Variants in CUL3 observed in about 807,000 individuals in gnomAD.
CUL3 encodes the protein cullin 3, also known as cullin-3.
CUL3 carries 19 observed loss-of-function variants against 89.1 expected under a neutral mutation model. The ratio of observed to expected loss-of-function variants is 0.21; its 90% CI spans 0.15 to 0.31. The LOEUF (loss-of-function observed/expected upper bound fraction) is 0.31. Ranked by LOEUF, CUL3 falls within the 10% of genes least tolerant of loss-of-function variation. The probability of loss-of-function intolerance (pLI) is 1.00; values close to 1 mark genes in which losing one functional copy is unlikely to be tolerated. For synonymous variants in CUL3, 351 were observed against 308.4 expected (o/e 1.14, Z -1.45); for missense variants, 469 against 942.3 (o/e 0.50, Z 6.58).
intron 13 of CUL3, among the ~76,000 whole-genome samples, chr2:224,483,323 A>C (rs1022781799): frequency 2.4e-4 from 36 of 152,170 alleles, no homozygotes; most frequent in African/African-American, 6.8e-4. Flanking sequence ...CTATTACCAA[A>C]AGTATTTTAT....
intron 2 of CUL3, among the ~76,000 whole-genome samples, chr2:224,540,007 T>C (rs1024559530): frequency 1.3e-5 from 2 of 151,268 alleles, no homozygotes; most frequent in African/African-American, 4.9e-5. Context: ...AGGCTGTGCA[T>C]ATGTTGGGGC....
chr2:224,525,691 GTAT>G (rs991309427), intron 3 of CUL3, among the ~76,000 whole-genome samples: 1 of 152,180 alleles, frequency 6.6e-6, no homozygotes, highest in African/African-American at 2.4e-5. Context: ...AAAGGTAAAA[GTAT>G]TATTTGCTCT....
At chr2:224,510,259 T>G (rs1692767607) in intron 6 of CUL3, among the ~76,000 whole-genome samples, 1 of 150,736 alleles carries the variant, frequency 6.6e-6, no homozygotes. Context: ...AAGGTTTAAC[T>G]GAAGAGTCTT....
Position 224,478,221 on chromosome 2 carries a change from C to T in CUL3, c.2154G>A (p.Gln718=), listed in dbSNP as rs61752213. The T allele has an allele frequency of 5.6e-6, 9 of 1,613,156 alleles. No individual in the cohort carries two copies. The African/African-American group carries it at 1.2e-4, about 21-fold the overall frequency. The part of the protein sequence containing the change: ...VRIMKSRKKM[Q]HNVLVAEVTQ... ...TCACCTCCGCTACTAGAACATTGTG[C>T]TGCATCTTCTTTCTAGATTTCATTA... Residue 718 remains glutamine (Q), a synonymous_variant, in exon 15 of 16, where the codon CAG becomes CAA. Transcript: ENST00000264414.
intron 3 of CUL3, among the ~76,000 whole-genome samples, chr2:224,521,797 A>G (rs944993324): frequency 4.1e-5 from 6 of 144,936 alleles, no homozygotes; most frequent in African/African-American, 1.0e-4. Flanking sequence ...TTTATTTAGG[A>G]AAAAAAAAAA....
Position 224,473,122 on chromosome 2 carries a change from T to A in CUL3, c.*1123A>T, listed in dbSNP as rs143366779. 9.8e-6 allele frequency: 2 copies of A among 204,196 alleles called. No homozygotes were observed. Among genetic ancestry groups the A allele is most frequent in the African/African-American group, 4.6e-5 (2 of 43,862 alleles). 12.6% of individuals were successfully genotyped at this position (204,196 alleles called of 1,614,324 possible). ...AGGACAATAGCTAAATATCCAAGAATCATCAGGTTTGAGAAATATTGCTTA... is the reference window on the plus strand; with the variant it reads ...AGGACAATAGCTAAATATCCAAGAAACATCAGGTTTGAGAAATATTGCTTA... On this transcript the variant is annotated 3_prime_UTR_variant, in exon 16 of 16. Transcript: ENST00000264414.
chr2:224,549,186 A>C (rs748339581), intron 2 of CUL3, among the ~76,000 whole-genome samples: 1 of 151,968 alleles, frequency 6.6e-6, no homozygotes, highest in African/African-American at 2.4e-5. Context: ...GCATGGTGGC[A>C]CACGCCTGTA....
At position 224,471,659 on chromosome 2, in the gene CUL3, T is replaced by C. The variant is rs938854323; in HGVS notation, c.*2586A>G. The C allele has an allele frequency of 1.6e-4, 34 of 216,290 alleles. No homozygotes were observed. The highest frequency in any genetic ancestry group is 3.5e-4 in the Admixed American group (6 of 17,214). The allele number at this position is 216,290 out of a possible 1,614,324, so 13.4% of individuals were successfully genotyped here. A position where few individuals can be genotyped will look rare whatever the true frequency, so the allele number is the denominator to read the frequency against. On this transcript the variant is annotated 3_prime_UTR_variant, in exon 16 of 16. Coordinates refer to ENST00000264414, the MANE Select transcript of CUL3 (RefSeq NM_003590.5). ...TCCCCCATTCCCTTTTTAAGTTCAC[T>C]GACATAAAGAATCCTTGCAATCACA...
At chr2:224,500,587 A>C in intron 10 of CUL3, 100 bp from the exon 11 acceptor site, 70 of 1,016,344 alleles carry the variant, frequency 6.9e-5, no homozygotes, top group Non-Finnish European at 8.6e-5. Context: ...AGTTAGCTCC[A>C]TGTCTAATAT....
intron 3 of CUL3, among the ~76,000 whole-genome samples, chr2:224,531,994 G>C (rs1412817306): frequency 4.6e-5 from 7 of 152,192 alleles, no homozygotes; most frequent in African/African-American, 1.2e-4. Flanking sequence ...GGAGAGTCTA[G>C]CAACAGATGA....
At chr2:224,556,259 C>T (rs1694706252) in intron 2 of CUL3, 1 of 152,004 alleles carries the variant, frequency 6.6e-6, no homozygotes, top group East Asian at 1.9e-4. Flanking sequence ...TATATCTGAA[C>T]AGATTACTTA....
intron 14 of CUL3, among the ~76,000 whole-genome samples, chr2:224,481,402 A>T (rs1173546251): frequency 6.6e-6 from 1 of 152,046 alleles, no homozygotes. Context: ...TGGCTCTATT[A>T]AAAATCATTC....
intron 13 of CUL3, among the ~76,000 whole-genome samples, chr2:224,487,444 A>C (rs55658748): frequency 0.015 from 360 of 24,000 alleles, 3 homozygotes; most frequent in African/African-American, 0.042. Context: ...CGCCCCCCCC[A>C]AAAAAAAAAA....
intron 10 of CUL3, 43 bp from the exon 11 acceptor site, chr2:224,500,530 GATT>G (rs1339837570): frequency 2.5e-6 from 4 of 1,600,442 alleles, no homozygotes; most frequent in Non-Finnish European, 3.4e-6. Flanking sequence ...AATTAACTAG[GATT>G]TGCTTTCTGT....
In CUL3 at chr2:224,560,036, C is replaced by T. The variant is rs145267956; in HGVS notation, c.67-2180G>A. On this transcript the variant is annotated intron_variant, in intron 1 of 15. Coordinates refer to ENST00000264414, the MANE Select transcript of CUL3 (RefSeq NM_003590.5). ...AGGTCGAGGCTGCAGTGAGTGGAGACTGCGCCACTACACACCAGCCTGGAT... is the reference window on the plus strand; with the variant it reads ...AGGTCGAGGCTGCAGTGAGTGGAGATTGCGCCACTACACACCAGCCTGGAT... Among the ~76,000 whole-genome samples, 542 of 152,158 alleles carry T rather than the reference C, an allele frequency of 3.6e-3. 1 individual carries two copies. The highest frequency in any genetic ancestry group is 0.01 in the Middle Eastern group (3 of 294).
intron 15 of CUL3, 80 bp downstream of exon 15, chr2:224,478,120 T>G: frequency 1.4e-6 from 2 of 1,407,176 alleles, no homozygotes; most frequent in Non-Finnish European, 1.9e-6. Flanking sequence ...AAAATTGTTT[T>G]TAAAATTAGT....
chr2:224,531,575 G>A (rs991620361), intron 3 of CUL3, among the ~76,000 whole-genome samples: 2 of 151,980 alleles, frequency 1.3e-5, no homozygotes, highest in African/African-American at 4.8e-5. Flanking sequence ...CACTCCACTG[G>A]GCAAACTACA....
At chr2:224,563,784 C>T (rs1275456822) in intron 1 of CUL3, among the ~76,000 whole-genome samples, 1 of 152,134 alleles carries the variant, frequency 6.6e-6, no homozygotes, top group Admixed American at 6.5e-5. Context: ...TAACAGCCAT[C>T]TGGTTTATCA....
intron 2 of CUL3, among the ~76,000 whole-genome samples, chr2:224,555,754 AAT>A (rs1190293226): frequency 1.3e-5 from 2 of 152,148 alleles, no homozygotes; most frequent in African/African-American, 4.8e-5. Context: ...ATATATCCCA[AAT>A]ATTTTTCAAG....
Sources: allele counts gnomAD v4.1 joint callset (sites outside exome capture counted in the v4.1 genomes callset), GRCh38; gene constraint gnomAD v4.1.1; transcripts MANE v1.5; gene names NCBI Gene and HGNC (gene_info 2026-07-23, HGNC 2026-07-21).